Variants in INTS4 observed in about 807,000 individuals in gnomAD.
The protein encoded by INTS4 is MSTP093.
INTS4 carries 70 observed loss-of-function variants against 119.5 expected under a neutral mutation model. The ratio of observed to expected loss-of-function variants is 0.59; its 90% CI spans 0.48 to 0.71. The LOEUF is 0.71. Among genes scored for constraint, INTS4 ranks in the 30% least tolerant of loss-of-function variants. The pLI, the probability that INTS4 is intolerant of heterozygous loss-of-function variation, is 0.00. For missense variants in INTS4, 867 were observed against 1,173.2 expected, an observed-to-expected ratio of 0.74 and a Z score of 3.81; for synonymous variants, 316 against 419.6, an observed-to-expected ratio of 0.75 and a Z score of 3.02.
chr11:77,987,820 C>T, intron 2 of INTS4: 1 of 341,494 alleles, frequency 2.9e-6, no homozygotes, highest in Non-Finnish European at 5.8e-6. Flanking sequence ...CTTCAGTGGG[C>T]AGTGATCACG....
chr11:77,965,753 C>T (rs941329113), intron 4 of INTS4, among the ~76,000 whole-genome samples: 1 of 152,214 alleles, frequency 6.6e-6, no homozygotes, highest in African/African-American at 2.4e-5. Context: ...TGATTCCATA[C>T]ATTGGCTATT....
In INTS4 at chr11:77,972,033, T is replaced by C. The variant is rs532736204; in HGVS notation, c.471+6963A>G. On this transcript the variant is annotated intron_variant, in intron 4 of 22. Transcript: ENST00000534064. ...ATTGAAAAGACAATTTTTTTCTCCA[T>C]TGAATGGTACTGGCATCCATATAGA... Among the ~76,000 whole-genome samples the C allele has an allele frequency of 4.6e-5, 7 of 152,338 alleles. No homozygotes were observed. The South Asian group carries it at 8.3e-4, about 18-fold the overall frequency.
At chr11:77,986,713 C>A (rs534140980) in intron 2 of INTS4, among the ~76,000 whole-genome samples, 1 of 152,242 alleles carries the variant, frequency 6.6e-6, no homozygotes, top group Admixed American at 6.5e-5. Context: ...TGAAAACCAT[C>A]CTTCTCAGCA....
At chr11:77,984,100 G>A (rs1856358640) in intron 2 of INTS4, among the ~76,000 whole-genome samples, 1 of 152,044 alleles carries the variant, frequency 6.6e-6, no homozygotes, top group African/African-American at 2.4e-5. Context: ...TAAACCTAGA[G>A]GATATTATGC....
At chr11:77,972,520 G>A (rs1855773171) in intron 4 of INTS4, among the ~76,000 whole-genome samples, 1 of 151,936 alleles carries the variant, frequency 6.6e-6, no homozygotes, top group Admixed American at 6.6e-5. Context: ...AGGTTCAAGC[G>A]ATTTTCCTGC....
At chr11:77,945,823 C>A (rs1954035287) in intron 8 of INTS4, among the ~76,000 whole-genome samples, 1 of 152,204 alleles carries the variant, frequency 6.6e-6, no homozygotes, top group South Asian at 2.1e-4. Context: ...ACGATAGAGT[C>A]CCAGAGTCCC....
At chr11:77,941,125 G>A in intron 9 of INTS4, 55 bp downstream of exon 9, 1 of 1,597,620 alleles carries the variant, frequency 6.3e-7, no homozygotes, top group Non-Finnish European at 8.5e-7. Flanking sequence ...TCAGCATACT[G>A]CCCCACTACA....
chr11:77,878,144 C>T (rs1265271896), downstream of INTS4, among the ~76,000 whole-genome samples: 10 of 151,998 alleles, frequency 6.6e-5, no homozygotes, highest in Admixed American at 2.0e-4. Context: ...GGGCAGATCA[C>T]GAGGTCAGGA....
At chr11:77,907,893 ATT>A (rs1952998712) in intron 15 of INTS4, 83 bp from the exon 16 acceptor site, 32 of 830,498 alleles carry the variant, frequency 3.9e-5, no homozygotes, top group Non-Finnish European at 6.1e-5. Flanking sequence ...GCATTTTATC[ATT>A]TTATACCTAG....
At chr11:77,991,040 T>G in intron 2 of INTS4, 68 bp downstream of exon 2, 1 of 1,350,656 alleles carries the variant, frequency 7.4e-7, no homozygotes, top group Non-Finnish European at 1.0e-6. Flanking sequence ...ATTTGTAATA[T>G]TAACCATTCT....
At chr11:77,915,430 G>C (rs758556042) in intron 15 of INTS4, among the ~76,000 whole-genome samples, 72 of 152,112 alleles carry the variant, frequency 4.7e-4, no homozygotes, top group Non-Finnish European at 9.6e-4. Flanking sequence ...GACCCAGGTG[G>C]AAGCTCAGGA....
chr11:77,916,185 G>C (rs765763022), intron 15 of INTS4, among the ~76,000 whole-genome samples: 4 of 152,186 alleles, frequency 2.6e-5, no homozygotes, highest in Non-Finnish European at 4.4e-5. Flanking sequence ...ACTTGACTAA[G>C]ATCAAACAAC....
intron 15 of INTS4, among the ~76,000 whole-genome samples, chr11:77,914,102 G>A (rs1302740420): frequency 1.3e-5 from 2 of 152,130 alleles, no homozygotes; most frequent in African/African-American, 2.4e-5. Context: ...GTAAAACATC[G>A]CAGGTGCCCT....
rs772143760 is a variant in INTS4, at chr11:77,994,629, A to T, written c.15T>A (p.Leu5=). Residue 5 remains leucine (L), a synonymous_variant, in exon 1 of 23, where the codon CTT becomes CTA. Transcript: ENST00000534064. ...TGAATTCCTCATAAACCCGCTTCTT[A>T]AGGTGCGCCGCCATGCCTACCCGCG... MAAH[L]KKRVYEEFTK... 6.2e-7 allele frequency: 1 copy of T among 1,613,996 alleles called. No homozygotes were observed. Among genetic ancestry groups the T allele is most frequent in the African/African-American group, 1.3e-5 (1 of 74,908 alleles).
intron 17 of INTS4, among the ~76,000 whole-genome samples, chr11:77,901,763 T>G (rs1472609429): frequency 6.6e-6 from 1 of 151,890 alleles, no homozygotes; most frequent in Non-Finnish European, 1.5e-5. Context: ...GACCTGGTAA[T>G]AAAATCATCT....
At chr11:77,883,402 AT>A (rs1391305655) in intron 22 of INTS4, among the ~76,000 whole-genome samples, 7 of 152,288 alleles carry the variant, frequency 4.6e-5, no homozygotes, top group African/African-American at 1.7e-4. Context: ...ATGAAAAAAA[AT>A]ATTTTTAAAA....
In INTS4 at chr11:77,961,074, G is replaced by A; in HGVS notation, c.536C>T (p.Ser179Phe). ...KCLQLLGNLG[S>F]LEKSVTKDAE... ...ATCTTTTGTGACACTTTTCTCCAAA[G>A]AGCCAAGATTGCCAAGTAACTGCAG... is the stretch of plus-strand genomic sequence containing the variant. The change falls in exon 5 of 23, where the codon TCT becomes TTT. Residue 179 changes from serine (S) to phenylalanine (F), a missense_variant. Ser to Phe is a radical substitution (Grantham distance 155). This residue lies in a region of INTS4 where 224 missense variants were observed against 231.8 expected (regional missense o/e 0.97). Transcript: ENST00000534064. The A allele has an allele frequency of 6.2e-7, 1 of 1,605,860 alleles. No individual in the cohort carries two copies. Among genetic ancestry groups the A allele is most frequent in the African/African-American group, 1.4e-5 (1 of 72,574 alleles).
rs748719694 is a variant in INTS4 at position 77,961,153 on chromosome 11, AAAAAAAAG to A, written c.472-23_472-16del. 4.6e-5 allele frequency: 71 copies of A among 1,544,084 alleles called. No individual in the cohort carries two copies. Among genetic ancestry groups the A allele is most frequent in the African/African-American group, 1.7e-4 (12 of 71,298 alleles). ...TCTGTCAGATGCTATTAAAAAAAAA[AAAAAAAAG>A]AAAAAAAGAAAAAGAAAAAAAGGAC... On this transcript the variant is annotated splice_polypyrimidine_tract_variant and intron_variant, in intron 4 of 22. Transcript: ENST00000534064.
intron 4 of INTS4, among the ~76,000 whole-genome samples, chr11:77,974,909 C>T (rs1855884471): frequency 6.6e-6 from 1 of 152,100 alleles, no homozygotes; most frequent in Non-Finnish European, 1.5e-5. Context: ...AGTATCCTCA[C>T]TTTTCCTTTT....
Sources: allele counts gnomAD v4.1 joint callset (sites outside exome capture counted in the v4.1 genomes callset), GRCh38; gene constraint gnomAD v4.1.1; regional missense constraint gnomAD v4.1.1; transcripts MANE v1.5; gene names NCBI Gene and HGNC (gene_info 2026-07-23, HGNC 2026-07-21).